Variants in KLK6 observed in about 807,000 individuals in gnomAD.
KLK6 encodes kallikrein-6.
A neutral mutation model predicts 21.7 loss-of-function variants in KLK6; 16 were observed. That is an observed-to-expected ratio of 0.74 (90% CI 0.50 to 1.12). The LOEUF (loss-of-function observed/expected upper bound fraction) is 1.12. Among genes scored for constraint, KLK6 ranks in the 50% most tolerant of loss-of-function variants. KLK6 has a pLI of 0.00. For missense variants in KLK6, 276 were observed against 304.6 expected, an observed-to-expected ratio of 0.91 and a Z score of 0.70; for synonymous variants, 116 against 120.1, an observed-to-expected ratio of 0.97 and a Z score of 0.22.
rs1722537 is a variant in KLK6 at position 50,968,131 on chromosome 19, T to C, written c.-8-19A>G. 0.011 allele frequency: 18,015 copies of C among 1,612,290 alleles called. 1,821 individuals carry two copies. In the African/African-American group the frequency reaches 0.21, roughly 19 times the overall value. ...GCCGCTCCTGAGAGGGGAAGCCACA[T>C]GGTCCATTAGTCACTGCCTCGACCC... On this transcript the variant is annotated intron_variant, in intron 2 of 6. Coordinates refer to ENST00000310157, the MANE Select transcript of KLK6 (RefSeq NM_002774.4).
At chr19:50,963,639 T>C in intron 4 of KLK6, 90 bp from the exon 5 acceptor site, 1 of 1,482,106 alleles carries the variant, frequency 6.7e-7, no homozygotes, top group Non-Finnish European at 9.2e-7. Context: ...ATCGCTGGCC[T>C]GCTCCTCCCA....
rs868701406 is a variant in KLK6, at chr19:50,967,936, C to T, written c.40+129G>A. 4.9e-4 allele frequency: 291 copies of T among 589,970 alleles called. 5 individuals are homozygous for T. In the Middle Eastern group the frequency reaches 0.015, roughly 31 times the overall value. 36.5% of individuals were successfully genotyped at this position (589,970 alleles called of 1,614,324 possible). On this transcript the variant is annotated intron_variant, in intron 3 of 6. Coordinates refer to ENST00000310157, the MANE Select transcript of KLK6 (RefSeq NM_002774.4). ...TCCCCACCCTTAGCCTAATCCCCAACGTCTTCCTCATTTCAAAGCTCCCCC... is the reference window on the plus strand; with the variant it reads ...TCCCCACCCTTAGCCTAATCCCCAATGTCTTCCTCATTTCAAAGCTCCCCC...
chr19:50,962,092 T>G, intron 5 of KLK6: 1 of 498,058 alleles, frequency 2.0e-6, no homozygotes, highest in South Asian at 3.1e-5. Context: ...TCCCCCCCAT[T>G]GGCTGTCTTC....
At position 50,967,957 on chromosome 19, in the gene KLK6, C is replaced by A. The variant is rs201857429; in HGVS notation, c.40+108G>T. ...CCAACGTCTTCCTCATTTCAAAGCT[C>A]CCCCACCCCAACCCTGTGCATATCC... On this transcript the variant is annotated intron_variant, in intron 3 of 6. Transcript: ENST00000310157. 2.4e-5 allele frequency: 20 copies of A among 836,946 alleles called. No homozygotes were observed. The Admixed American group carries it at 3.0e-4, about 13-fold the overall frequency. The allele number at this position is 836,946 out of a possible 1,614,324, so 51.8% of individuals were successfully genotyped here.
intron 4 of KLK6, among the ~76,000 whole-genome samples, chr19:50,965,591 T>G (rs1212403633): frequency 6.6e-6 from 1 of 152,228 alleles, no homozygotes; most frequent in Non-Finnish European, 1.5e-5. Context: ...ACTTTGCTTG[T>G]CTGCACCTTT....
chr19:50,965,315 C>T (rs963907520), intron 4 of KLK6, among the ~76,000 whole-genome samples: 5 of 149,222 alleles, frequency 3.4e-5, no homozygotes, highest in South Asian at 2.1e-4. Context: ...GACAGAGTCT[C>T]GCTCTGTGGT....
At chr19:50,968,043 C>G in intron 3 of KLK6, 22 bp downstream of exon 3, 1 of 1,612,350 alleles carries the variant, frequency 6.2e-7, no homozygotes, top group African/African-American at 1.3e-5. Flanking sequence ...AAGCCTCCCC[C>G]ATCCAAATGC....
At chr19:50,961,700 G>T (rs374341772) in intron 6 of KLK6, 44 bp downstream of exon 6, 6 of 1,596,916 alleles carry the variant, frequency 3.8e-6, no homozygotes, top group East Asian at 2.2e-5. Context: ...TTGTGACTTC[G>T]TCCTGTCCCT....
Position 50,963,552 on chromosome 19 carries a change from G to A in KLK6, c.198-3C>T, listed in dbSNP as rs2090880063. The A allele has an allele frequency of 1.9e-6, 3 of 1,613,776 alleles. No individual in the cohort carries two copies. The highest frequency in any genetic ancestry group is 1.7e-5 in the Admixed American group (1 of 59,992). ...TCCCCAGGAAGACCTGAAGATTCCT[G>A]GGAAGGAAGAGGGCTGGGTCTCACC... On this transcript the variant is annotated splice_region_variant and splice_polypyrimidine_tract_variant and intron_variant, in intron 4 of 6. Transcript: ENST00000310157.
intron 6 of KLK6, among the ~76,000 whole-genome samples, chr19:50,960,739 T>A (rs892356159): frequency 3.3e-5 from 5 of 151,836 alleles, no homozygotes; most frequent in African/African-American, 9.7e-5. Context: ...ACTACAGGTG[T>A]GTCCCACCAT....
intron 5 of KLK6, chr19:50,962,340 T>C (rs944672222): frequency 6.4e-6 from 1 of 155,752 alleles, no homozygotes; most frequent in Non-Finnish European, 1.4e-5. Context: ...TCTGTGACCA[T>C]TGGTCTTTTC....
At chr19:50,959,508 A>C (rs886801199) in intron 6 of KLK6, among the ~76,000 whole-genome samples, 192 bp from the exon 7 acceptor site, 2 of 149,586 alleles carry the variant, frequency 1.3e-5, no homozygotes, top group African/African-American at 4.9e-5. Context: ...AGACACACAA[A>C]GGCACAGAGA....
At chr19:50,965,393 T>C (rs1016877365) in intron 4 of KLK6, among the ~76,000 whole-genome samples, 4 of 151,966 alleles carry the variant, frequency 2.6e-5, no homozygotes, top group African/African-American at 9.7e-5. Flanking sequence ...CAAGCAATTC[T>C]CCTGCCTTAG....
intron 6 of KLK6, among the ~76,000 whole-genome samples, chr19:50,959,823 G>A (rs1399149685): frequency 2.4e-5 from 1 of 41,158 alleles, no homozygotes; most frequent in Non-Finnish European, 4.6e-5. Flanking sequence ...AGGAAGAGGA[G>A]GAGGAAGAGG....
rs778102234 is a variant in KLK6 at position 50,968,093 on chromosome 19, C to T, written c.12G>A (p.Leu4=). Residue 4 remains leucine (L), a synonymous_variant, in exon 3 of 7, where the codon CTG becomes CTA. Transcript: ENST00000310157. ...CAGCAATCAGACTCAGCACCACCAT[C>T]AGCTTCTTCATGGCCGCTCCTGAGA... MKK[L]MVVLSLIAAA... 2.7e-5 allele frequency: 44 copies of T among 1,613,972 alleles called. No individual in the cohort carries two copies. Among genetic ancestry groups the T allele is most frequent in the South Asian group, 2.2e-4 (20 of 91,068 alleles).
chr19:50,959,052 G>T lies in KLK6; in HGVS notation c.*112C>A. On this transcript the variant is annotated 3_prime_UTR_variant, in exon 7 of 7. Coordinates refer to ENST00000310157, the MANE Select transcript of KLK6 (RefSeq NM_002774.4). ...ACCCTCACGTCGCTGCGTTTATTAAGCATCAGGGTCAGAGCTGGGCAGGAG... is the reference window on the plus strand; with the variant it reads ...ACCCTCACGTCGCTGCGTTTATTAATCATCAGGGTCAGAGCTGGGCAGGAG... 1 of 1,145,726 alleles carries T rather than the reference G, an allele frequency of 8.7e-7. No homozygotes were observed. Among genetic ancestry groups the T allele is most frequent in the Non-Finnish European group, 1.3e-6 (1 of 776,378 alleles). The allele number at this position is 1,145,726 out of a possible 1,614,324, so 71.0% of individuals were successfully genotyped here.
intron 5 of KLK6, chr19:50,962,690 A>G (rs1012003382): frequency 4.6e-5 from 7 of 152,806 alleles, no homozygotes; most frequent in African/African-American, 1.7e-4. Flanking sequence ...ATCCTCCCCC[A>G]TTGTCTCTGC....
intron 6 of KLK6, among the ~76,000 whole-genome samples, chr19:50,961,460 C>A (rs2090838720): frequency 6.6e-6 from 1 of 152,282 alleles, no homozygotes; most frequent in Non-Finnish European, 1.5e-5. Context: ...GCATGAGCCG[C>A]TGCTCCTGGC....
rs1600100136 is a variant in KLK6, at chr19:50,968,020, C to T, written c.40+45G>A. 7 of 1,590,666 alleles carry T rather than the reference C, an allele frequency of 4.4e-6. No individual in the cohort carries two copies. The East Asian group carries it at 1.6e-4, about 36-fold the overall frequency. ...CCAGCCTCTTCTCCATCAACAAGCC[C>T]AACCCTGTCTGCAAGCCTCCCCCAT... On this transcript the variant is annotated intron_variant, in intron 3 of 6. Transcript: ENST00000310157.
Sources: gnomAD v4.1 joint callset for allele counts (sites outside exome capture counted in the v4.1 genomes callset) on GRCh38, gnomAD v4.1.1 for gene constraint, MANE v1.5 for transcripts, NCBI Gene and HGNC (gene_info 2026-07-23, HGNC 2026-07-21) for gene names.